CNTN5: variants seen among roughly 807,000 people sequenced by gnomAD.
CNTN5 encodes the protein contactin-5.
In CNTN5, 77 loss-of-function variants were observed where a neutral mutation model predicts 129.1. The observed-to-expected ratio is 0.60, with a 90% confidence interval of 0.50 to 0.72. The LOEUF (loss-of-function observed/expected upper bound fraction) is 0.72, where lower values mean the gene tolerates loss of function less well. Among genes scored for constraint, CNTN5 ranks in the 30% least tolerant of loss-of-function variants. CNTN5 has a pLI of 0.00. For synonymous variants in CNTN5, 509 were observed against 465.6 expected (o/e 1.09, Z -1.20); for missense variants, 1,478 against 1,328.8 (o/e 1.11, Z -1.75).
chr11:99,150,862 G>T (rs909341154), intron 1 of CNTN5, among the ~76,000 whole-genome samples: 5 of 151,964 alleles, frequency 3.3e-5, no homozygotes, highest in African/African-American at 4.8e-5. Context: ...TTAAATTCAG[G>T]ATACCTCATA....
chr11:99,842,103 C>T (rs1947526314), intron 4 of CNTN5, among the ~76,000 whole-genome samples: 1 of 151,942 alleles, frequency 6.6e-6, no homozygotes, highest in South Asian at 2.1e-4. Flanking sequence ...CCGTGTTGGC[C>T]AGGCTTCTCT....
At chr11:100,325,446 A>G (rs993366777) in intron 21 of CNTN5, among the ~76,000 whole-genome samples, 4 of 152,194 alleles carry the variant, frequency 2.6e-5, no homozygotes, top group Admixed American at 2.6e-4. Context: ...CCTCACTGCA[A>G]TCACAGTGAG....
At chr11:99,863,803 G>C (rs527638711) in intron 6 of CNTN5, among the ~76,000 whole-genome samples, 1 of 152,136 alleles carries the variant, frequency 6.6e-6, no homozygotes, top group Non-Finnish European at 1.5e-5. Context: ...TGTTTAGAAA[G>C]CAAGCTTTAA....
intron 7 of CNTN5, among the ~76,000 whole-genome samples, chr11:99,923,951 C>A (rs1443684889): frequency 6.6e-6 from 1 of 152,044 alleles, no homozygotes; most frequent in Non-Finnish European, 1.5e-5. Flanking sequence ...ACCACCACAC[C>A]CAGCTAATTT....
At chr11:99,106,687 T>C (rs1208940441) in intron 1 of CNTN5, among the ~76,000 whole-genome samples, 1 of 152,092 alleles carries the variant, frequency 6.6e-6, no homozygotes, top group Non-Finnish European at 1.5e-5. Flanking sequence ...AATTTTCTTA[T>C]CTTTAAGTCA....
chr11:99,122,801 G>C (rs940818860), intron 1 of CNTN5, among the ~76,000 whole-genome samples: 1 of 151,986 alleles, frequency 6.6e-6, no homozygotes, highest in Non-Finnish European at 1.5e-5. Context: ...ACAGTATATG[G>C]TTTTCTGTTC....
At chr11:99,048,177 A>T (rs1273308167) in intron 1 of CNTN5, among the ~76,000 whole-genome samples, 1 of 152,090 alleles carries the variant, frequency 6.6e-6, no homozygotes, top group Admixed American at 6.6e-5. Context: ...TCTTTAAATG[A>T]TAGTAAATCA....
At chr11:99,045,002 A>C (rs553782407) in intron 1 of CNTN5, among the ~76,000 whole-genome samples, 10 of 152,234 alleles carry the variant, frequency 6.6e-5, no homozygotes, top group African/African-American at 2.4e-4. Flanking sequence ...TACTTATTGC[A>C]TGATGTTATT....
intron 7 of CNTN5, among the ~76,000 whole-genome samples, chr11:99,925,852 AGTCCC>A (rs1201350704): frequency 2.0e-4 from 31 of 152,256 alleles, no homozygotes; most frequent in African/African-American, 6.7e-4. Flanking sequence ...TATAAGAGGT[AGTCCC>A]AAGAACACTA....
intron 2 of CNTN5, among the ~76,000 whole-genome samples, chr11:99,555,614 A>G (rs1300459955): frequency 6.6e-6 from 1 of 151,944 alleles, no homozygotes; most frequent in Non-Finnish European, 1.5e-5. Flanking sequence ...ACTATAACAC[A>G]GTACAGATAA....
intron 2 of CNTN5, among the ~76,000 whole-genome samples, chr11:99,497,124 G>A (rs1322772305): frequency 6.6e-6 from 1 of 152,114 alleles, no homozygotes; most frequent in Non-Finnish European, 1.5e-5. Context: ...CCACATGAAA[G>A]CATTCTAAAA....
chr11:99,793,963 A>G (rs1487476555), intron 3 of CNTN5, among the ~76,000 whole-genome samples: 5 of 152,124 alleles, frequency 3.3e-5, no homozygotes, highest in Admixed American at 1.3e-4. Flanking sequence ...GCTCCTGAAT[A>G]TCTTTGTTAG....
At chr11:100,201,079 G>T (rs558618157) in intron 15 of CNTN5, among the ~76,000 whole-genome samples, 1 of 151,992 alleles carries the variant, frequency 6.6e-6, no homozygotes, top group Admixed American at 6.6e-5. Flanking sequence ...GGCCACAGTG[G>T]GTTGTTGCAT....
chr11:100,049,316 A>C (rs1461229613), intron 9 of CNTN5, among the ~76,000 whole-genome samples: 1 of 152,118 alleles, frequency 6.6e-6, no homozygotes, highest in Admixed American at 6.6e-5. Context: ...CGGTAAGCAT[A>C]ATATTGTCAG....
intron 1 of CNTN5, among the ~76,000 whole-genome samples, chr11:99,109,790 C>T (rs533862975): frequency 1.3e-5 from 2 of 152,024 alleles, no homozygotes; most frequent in Admixed American, 1.3e-4. Context: ...TAAACAATTC[C>T]TTTTTCTTTT....
At chr11:99,632,090 T>C (rs1480509576) in intron 3 of CNTN5, among the ~76,000 whole-genome samples, 2 of 152,084 alleles carry the variant, frequency 1.3e-5, no homozygotes, top group Admixed American at 6.6e-5. Flanking sequence ...CCTGGGGGAC[T>C]TGGAAGGTAT....
intron 15 of CNTN5, among the ~76,000 whole-genome samples, chr11:100,207,308 C>T (rs1327258769): frequency 6.6e-6 from 1 of 152,098 alleles, no homozygotes; most frequent in Non-Finnish European, 1.5e-5. Context: ...AAGCTCATTA[C>T]TAAAGGTTGT....
At chr11:100,067,602 T>C (rs1943747364) in intron 10 of CNTN5, among the ~76,000 whole-genome samples, 1 of 151,996 alleles carries the variant, frequency 6.6e-6, no homozygotes, top group Non-Finnish European at 1.5e-5. Flanking sequence ...CAACAAAATA[T>C]GAAATGACAT....
chr11:99,555,739 A>G (rs1333719681), intron 2 of CNTN5, among the ~76,000 whole-genome samples: 2 of 151,910 alleles, frequency 1.3e-5, no homozygotes, highest in Non-Finnish European at 2.9e-5. Context: ...CCAACCGATC[A>G]TTAGTTATGC....
Sources: allele counts gnomAD v4.1 joint callset (sites outside exome capture counted in the v4.1 genomes callset), GRCh38; gene constraint gnomAD v4.1.1; transcripts MANE v1.5; gene names NCBI Gene and HGNC (gene_info 2026-07-23, HGNC 2026-07-21).